The following LHFPL2 variants were observed in gnomAD, a reference collection of about 807,000 sequenced individuals.
LHFPL2 encodes LHFPL tetraspan subfamily member 2 protein.
LHFPL2 carries 7 observed loss-of-function variants against 17.5 expected under a neutral mutation model. The observed-to-expected ratio is 0.40, with a 90% CI of 0.23 to 0.75. LHFPL2 has a LOEUF of 0.75. Among genes scored for constraint, LHFPL2 ranks in the 30% least tolerant of loss-of-function variants. The pLI, the probability that LHFPL2 is intolerant of heterozygous loss-of-function variation, is 0.37. For missense variants in LHFPL2, 241 were observed against 294.8 expected (o/e 0.82, Z 1.34); for synonymous variants, 134 against 116.2 (o/e 1.15, Z -0.99).
At chr5:78,598,388 T>C (rs1393714941) in intron 2 of LHFPL2, among the ~76,000 whole-genome samples, 1 of 152,208 alleles carries the variant, frequency 6.6e-6, no homozygotes, top group African/African-American at 2.4e-5. Flanking sequence ...CCATGAGGTA[T>C]CCAACAAAGA....
chr5:78,526,667 A>G (rs1180362355), intron 3 of LHFPL2, among the ~76,000 whole-genome samples: 1 of 152,222 alleles, frequency 6.6e-6, no homozygotes, highest in Non-Finnish European at 1.5e-5. Context: ...AACCATCTGT[A>G]ATCTTCTGAG....
rs1754476378 is a variant in LHFPL2, at chr5:78,492,452, T to C, written c.431-3299A>G. ...AAAAAATACCTTAATTTGGCTGTCT[T>C]GGGTTCTCTGGGGAAGCAGGCAGGT... On this transcript the variant is annotated intron_variant, in intron 4 of 4. Coordinates refer to ENST00000380345, the MANE Select transcript of LHFPL2 (RefSeq NM_005779.3). Among the ~76,000 whole-genome samples the C allele has an allele frequency of 2.0e-5, 3 of 152,180 alleles. No individual in the cohort carries two copies. In the South Asian group the frequency reaches 6.2e-4, roughly 32 times the overall value.
At chr5:78,494,255 C>T (rs1416370988) in intron 4 of LHFPL2, 8 of 572,436 alleles carry the variant, frequency 1.4e-5, no homozygotes, top group Non-Finnish European at 1.8e-5. Context: ...CGCAGCAAGC[C>T]CAGCTGGGAG....
Position 78,510,417 on chromosome 5 carries a change from G to A in LHFPL2, c.-185-19C>T, listed in dbSNP as rs1484040445. ...GCCTCACCTAGGGGAGAGGGAGGGC[G>A]GTTAGCAGCGCCGCCAGGCCCCGCC... is the stretch of plus-strand genomic sequence containing the variant. On this transcript the variant is annotated intron_variant, in intron 3 of 4. Transcript: ENST00000380345. 7 of 533,082 alleles carry A rather than the reference G, an allele frequency of 1.3e-5. No individual in the cohort carries two copies. In the East Asian group the frequency reaches 2.2e-4, roughly 17 times the overall value. 33.0% of individuals were successfully genotyped at this position (533,082 alleles called of 1,614,324 possible).
At chr5:78,510,762 G>A (rs916042463) in intron 3 of LHFPL2, among the ~76,000 whole-genome samples, 21 of 152,224 alleles carry the variant, frequency 1.4e-4, no homozygotes, top group African/African-American at 5.1e-4. Flanking sequence ...CAGGGATCCA[G>A]AGAGGAGGAG....
chr5:78,509,866 C>A lies in LHFPL2; in HGVS notation c.348G>T (p.Leu116Phe). 1 of 1,613,968 alleles carries A rather than the reference C, an allele frequency of 6.2e-7. No individual in the cohort carries two copies. Among genetic ancestry groups the A allele is most frequent in the South Asian group, 1.1e-5 (1 of 91,088 alleles). Residue 116 changes from leucine (L) to phenylalanine (F), a missense_variant, in exon 4 of 5, where the codon TTG becomes TTT. Physicochemically the swap from Leu to Phe is conservative, Grantham distance 22. Coordinates refer to ENST00000380345, the MANE Select transcript of LHFPL2 (RefSeq NM_005779.3). ...GTACACACATGGTGAAGACGGACAC[C>A]AAGGCCACCATGCAGAGAATAAAGA... ...VGIFILCMVA[L>F]VSVFTMCVQS...
At chr5:78,512,843 C>A (rs1239469422) in intron 3 of LHFPL2, among the ~76,000 whole-genome samples, 1 of 150,888 alleles carries the variant, frequency 6.6e-6, no homozygotes, top group Non-Finnish European at 1.5e-5. Flanking sequence ...CGGCTCACTG[C>A]AACCTCTCTG....
chr5:78,543,100 G>A (rs1756162892), intron 3 of LHFPL2, among the ~76,000 whole-genome samples: 1 of 152,168 alleles, frequency 6.6e-6, no homozygotes, highest in South Asian at 2.1e-4. Context: ...GAACCTACCT[G>A]CATAATAAAA....
intron 4 of LHFPL2, among the ~76,000 whole-genome samples, chr5:78,491,779 CAG>C (rs372612788): frequency 4.9e-4 from 74 of 152,318 alleles, no homozygotes; most frequent in East Asian, 7.7e-4. Context: ...AAACTGGAAA[CAG>C]ATGATGAGCC....
intron 4 of LHFPL2, chr5:78,494,634 G>A: frequency 2.4e-6 from 1 of 415,046 alleles, no homozygotes; most frequent in Non-Finnish European, 3.2e-6. Context: ...CCTCACCGAT[G>A]GTCATGGTAT....
chr5:78,579,754 T>G (rs1312003517), intron 2 of LHFPL2, among the ~76,000 whole-genome samples: 1 of 152,208 alleles, frequency 6.6e-6, no homozygotes, highest in Non-Finnish European at 1.5e-5. Flanking sequence ...TGTTGGACAT[T>G]TGGGTTGGTT....
intron 3 of LHFPL2, among the ~76,000 whole-genome samples, chr5:78,537,565 G>A (rs778666052): frequency 1.3e-5 from 2 of 152,078 alleles, no homozygotes; most frequent in Admixed American, 6.5e-5. Context: ...TTAGTGAATG[G>A]AAACAAGATG....
intron 3 of LHFPL2, among the ~76,000 whole-genome samples, chr5:78,522,952 G>A (rs1175243042): frequency 6.6e-6 from 1 of 152,138 alleles, no homozygotes; most frequent in Non-Finnish European, 1.5e-5. Flanking sequence ...AGAAAAGGTT[G>A]ACGTTTTTCT....
chr5:78,515,154 C>T (rs79975811), intron 3 of LHFPL2, among the ~76,000 whole-genome samples: 3,421 of 152,220 alleles, frequency 0.022, 75 homozygotes, highest in East Asian at 0.11. Flanking sequence ...ATTTCCCTAC[C>T]CCTGCCCTGT....
intron 3 of LHFPL2, among the ~76,000 whole-genome samples, chr5:78,512,444 G>A (rs537303643): frequency 6.0e-5 from 9 of 150,888 alleles, no homozygotes; most frequent in East Asian, 2.0e-4. Context: ...ATCCTACTCC[G>A]ACTCACTCAT....
Position 78,561,965 on chromosome 5 carries a change from G to A in LHFPL2, c.-186+2848C>T, listed in dbSNP as rs538995994. ...GCCTTCTCACAATTCTCATGGAATA[G>A]ACAGGCAAAACTGAGCAGGTATTAC... On this transcript the variant is annotated intron_variant, in intron 3 of 4. Coordinates refer to ENST00000380345, the MANE Select transcript of LHFPL2 (RefSeq NM_005779.3). Among the ~76,000 whole-genome samples the A allele has an allele frequency of 5.9e-5, 9 of 152,258 alleles. No individual in the cohort carries two copies. In the South Asian group the frequency reaches 1.5e-3, roughly 25 times the overall value.
At chr5:78,626,986 CAGG>C (rs1745062398) in intron 2 of LHFPL2, among the ~76,000 whole-genome samples, 1 of 152,076 alleles carries the variant, frequency 6.6e-6, no homozygotes, top group South Asian at 2.1e-4. Context: ...GTGGCCGAGG[CAGG>C]AGAACTGCTT....
At chr5:78,572,062 C>T (rs957666882) in intron 2 of LHFPL2, among the ~76,000 whole-genome samples, 2 of 152,134 alleles carry the variant, frequency 1.3e-5, no homozygotes, top group Admixed American at 6.5e-5. Context: ...GGAGATCAGA[C>T]GAGATAGGGA....
intron 3 of LHFPL2, among the ~76,000 whole-genome samples, chr5:78,544,936 T>C (rs920175299): frequency 1.3e-5 from 2 of 152,152 alleles, no homozygotes; most frequent in Non-Finnish European, 2.9e-5. Context: ...AACCAAAATA[T>C]GGAATTCATC....
Sources: allele counts gnomAD v4.1 joint callset (sites outside exome capture counted in the v4.1 genomes callset), GRCh38; gene constraint gnomAD v4.1.1; transcripts MANE v1.5; gene names NCBI Gene and HGNC (gene_info 2026-07-23, HGNC 2026-07-21).